Variants in PCDHGA7 observed in about 807,000 individuals in gnomAD.
PCDHGA7 encodes protocadherin gamma-A7.
Under a neutral mutation model 58.3 loss-of-function variants are expected in PCDHGA7, and 44 were observed. The ratio of observed to expected loss-of-function variants is 0.75; its 90% confidence interval spans 0.59 to 0.97. PCDHGA7 has a LOEUF of 0.97. Among genes scored for constraint, PCDHGA7 ranks in the 50% least tolerant of loss-of-function variants. The pLI is 0.00. For synonymous variants in PCDHGA7, 516 were observed against 504.2 expected (o/e 1.02, Z -0.31); for missense variants, 1,266 against 1,188.7 (o/e 1.06, Z -0.96).
intron 1 of PCDHGA7, among the ~76,000 whole-genome samples, chr5:141,444,735 C>A (rs924159168): frequency 1.3e-5 from 2 of 152,116 alleles, no homozygotes; most frequent in Admixed American, 1.3e-4. Context: ...TGTTGAAAGT[C>A]ATTTCACTGA....
In PCDHGA7 at chr5:141,431,543, C is replaced by T. The variant is rs1334234544; in HGVS notation, c.2424+46220C>T. The T allele has an allele frequency of 1.9e-6, 3 of 1,614,128 alleles. No individual in the cohort carries two copies. The highest frequency in any genetic ancestry group is 2.5e-6 in the Non-Finnish European group (3 of 1,180,036). ...GAATCTGGCCTTGGGCACGCAGCTGCTTGTAGTCAACGCTACCGACCCTGA... is the reference window on the plus strand; with the variant it reads ...GAATCTGGCCTTGGGCACGCAGCTGTTTGTAGTCAACGCTACCGACCCTGA... On this transcript the variant is annotated intron_variant, in intron 1 of 3. Transcript: ENST00000518325. This position sits in a 1 kb window ranked among gnomAD's most constrained non-coding sequence, Gnocchi z 4.8.
rs751345684 is a variant in PCDHGA7 at position 141,398,995 on chromosome 5, C to G, written c.2424+13672C>G. ...CTACAGAACCGGGCAAATCTTTAGT[C>G]TGAATTCAAAGAGCGGAGAAATTAC... On this transcript the variant is annotated intron_variant, in intron 1 of 3. Transcript: ENST00000518325. 2.5e-5 allele frequency: 41 copies of G among 1,613,782 alleles called. No homozygotes were observed. The East Asian group carries it at 8.7e-4, about 34-fold the overall frequency.
chr5:141,432,949 C>A lies in PCDHGA7; in HGVS notation c.2424+47626C>A, dbSNP rs764998032. ...CACGCCTGCTGCAGGCTTCAGGAGG[C>A]GGCTTGACAGGAGCGCCGGCGTCGC... On this transcript the variant is annotated intron_variant, in intron 1 of 3. Transcript: ENST00000518325. This position sits in a 1 kb window ranked among gnomAD's most constrained non-coding sequence, Gnocchi z 6.0. The A allele has an allele frequency of 1.9e-6, 3 of 1,614,184 alleles. No homozygotes were observed. The highest frequency in any genetic ancestry group is 2.5e-6 in the Non-Finnish European group (3 of 1,180,040).
At chr5:141,453,919 C>T (rs142719452) in intron 1 of PCDHGA7, among the ~76,000 whole-genome samples, 2 of 152,318 alleles carry the variant, frequency 1.3e-5, no homozygotes, top group African/African-American at 4.8e-5. Flanking sequence ...TGTCAGTGAT[C>T]AGTCACTGTG....
In PCDHGA7 at chr5:141,511,188, C is replaced by A; in HGVS notation, c.*15C>A. 1 of 1,613,804 alleles carries A rather than the reference C, an allele frequency of 6.2e-7. No homozygotes were observed. ...AGAAGAAGTAACATGGAGGCCAGGC[C>A]AAGAGCCACAGGGCGGCCTCTCCCC... On this transcript the variant is annotated 3_prime_UTR_variant, in exon 4 of 4. Transcript: ENST00000518325.
chr5:141,511,048 C>G lies in PCDHGA7; in HGVS notation c.2674C>G (p.Arg892Gly). The G allele has an allele frequency of 6.2e-7, 1 of 1,614,224 alleles. No homozygotes were observed. Among genetic ancestry groups the G allele is most frequent in the Non-Finnish European group, 8.5e-7 (1 of 1,180,028 alleles). ...QFTLQHVPDYRQNVYIPGSNA... is the reference protein window; with the variant it reads ...QFTLQHVPDYGQNVYIPGSNA... ...CACCCTGCAGCACGTGCCCGACTAC[C>G]GCCAGAATGTCTACATCCCAGGCAG... Residue 892 changes from arginine (R) to glycine (G), a missense_variant, in exon 4 of 4, where the codon CGC becomes GGC. Arg to Gly is a moderately radical substitution (Grantham distance 125, BLOSUM62 -2). Transcript: ENST00000518325.
intron 1 of PCDHGA7, chr5:141,478,565 T>C (rs772519746): frequency 1.6e-5 from 25 of 1,593,862 alleles, no homozygotes; most frequent in Non-Finnish European, 2.0e-5. Flanking sequence ...TAGCAAGTCA[T>C]GCTTGACCCT....
At chr5:141,482,530 CAAAAAAA>C (rs3074545) in intron 1 of PCDHGA7, among the ~76,000 whole-genome samples, 2 of 76,560 alleles carry the variant, frequency 2.6e-5, no homozygotes, top group South Asian at 4.6e-4. Flanking sequence ...GACAGACATG[CAAAAAAA>C]AAAAAAAAAA....
chr5:141,420,089 A>G lies in PCDHGA7; in HGVS notation c.2424+34766A>G. On this transcript the variant is annotated intron_variant, in intron 1 of 3. Transcript: ENST00000518325. The stretch of plus-strand genomic sequence containing the variant: ...CGGACCTGTGGGTCCCCCCAACTAC[A>G]GTGAGGGAACGTTGCCCTATGCCTA... 2.5e-6 allele frequency: 4 copies of G among 1,613,986 alleles called. No individual in the cohort carries two copies. Among genetic ancestry groups the G allele is most frequent in the Middle Eastern group, 1.6e-4 (1 of 6,062 alleles).
Position 141,431,818 on chromosome 5 carries a change from C to T in PCDHGA7, c.2424+46495C>T, listed in dbSNP as rs201311339. On this transcript the variant is annotated intron_variant, in intron 1 of 3. Coordinates refer to ENST00000518325, the MANE Select transcript of PCDHGA7 (RefSeq NM_018920.4). This position sits in a 1 kb window ranked among gnomAD's most constrained non-coding sequence, Gnocchi z 4.8. ...CAGAAGTGGTCCTCACCTCTCTCGCCAGCTCGGTTCCCGAAAACTCTCCCA... is the reference window on the plus strand; with the variant it reads ...CAGAAGTGGTCCTCACCTCTCTCGCTAGCTCGGTTCCCGAAAACTCTCCCA... 130 of 1,614,122 alleles carry T rather than the reference C, an allele frequency of 8.1e-5. No homozygotes were observed. Among genetic ancestry groups the T allele is most frequent in the Non-Finnish European group, 1.0e-4 (121 of 1,180,040 alleles).
Position 141,489,072 on chromosome 5 carries a change from AC to A in PCDHGA7, c.2425-5730del. The A allele has an allele frequency of 6.3e-6, 1 of 157,708 alleles. No individual in the cohort carries two copies. The highest frequency in any genetic ancestry group is 1.2e-5 in the Non-Finnish European group (1 of 83,994). The allele number at this position is 157,708 out of a possible 1,614,324, so 9.8% of individuals were successfully genotyped here. On this transcript the variant is annotated intron_variant, in intron 1 of 3. Coordinates refer to ENST00000518325, the MANE Select transcript of PCDHGA7 (RefSeq NM_018920.4). This position sits in a 1 kb window ranked among gnomAD's most constrained non-coding sequence, Gnocchi z 4.5. ...AATTCAGCTCCCCTCCCCCCTGCCC[AC>A]CCCCGCCACTCGGTGACTAAGAACT...
intron 1 of PCDHGA7, among the ~76,000 whole-genome samples, chr5:141,436,594 G>T (rs79477223): frequency 0.052 from 7,980 of 152,210 alleles, 223 homozygotes; most frequent in South Asian, 0.079. Flanking sequence ...AAAGGTCGTG[G>T]TGATGGCTAG....
chr5:141,398,241 C>G, intron 1 of PCDHGA7: 1 of 1,474,150 alleles, frequency 6.8e-7, no homozygotes, highest in South Asian at 1.2e-5. Context: ...ACAGGATTCC[C>G]GAGGAAATGC....
chr5:141,453,524 C>T (rs1351750021), intron 1 of PCDHGA7, among the ~76,000 whole-genome samples: 1 of 152,060 alleles, frequency 6.6e-6, no homozygotes, highest in Non-Finnish European at 1.5e-5. Flanking sequence ...TCCCCTATAC[C>T]TTCTGCCTCA....
intron 2 of PCDHGA7, among the ~76,000 whole-genome samples, chr5:141,498,112 AG>A (rs947089103): frequency 2.0e-5 from 3 of 152,232 alleles, no homozygotes; most frequent in African/African-American, 7.2e-5. Flanking sequence ...GGCGTATAAT[AG>A]GGATTTGATT....
chr5:141,394,836 T>C (rs116789057), intron 1 of PCDHGA7: 14 of 1,613,630 alleles, frequency 8.7e-6, no homozygotes, highest in South Asian at 1.1e-5. Flanking sequence ...CCTGACCGAG[T>C]TGGGCAGTCT....
At position 141,484,105 on chromosome 5, in the gene PCDHGA7, A is replaced by G. The variant is rs548687877; in HGVS notation, c.2425-10702A>G. On this transcript the variant is annotated intron_variant, in intron 1 of 3. Coordinates refer to ENST00000518325, the MANE Select transcript of PCDHGA7 (RefSeq NM_018920.4). Reference sequence around the variant, plus strand: ...GAAATGGTCTTCGTTGGTAATTAACAAAAGATCAAGAATACCTTGGTGTCA... The same window carrying G: ...GAAATGGTCTTCGTTGGTAATTAACGAAAGATCAAGAATACCTTGGTGTCA... Among the ~76,000 whole-genome samples, 3 of 152,316 alleles carry G rather than the reference A, an allele frequency of 2.0e-5. No individual in the cohort carries two copies. In the South Asian group the frequency reaches 6.2e-4, roughly 32 times the overall value.
chr5:141,485,060 G>C lies in PCDHGA7; in HGVS notation c.2425-9747G>C. ...ACCCTTGCGGCGCCGGCCGAACCGCGCCAGAGCTGGCGCGGGGAAAGGGAG... is the reference window on the plus strand; with the variant it reads ...ACCCTTGCGGCGCCGGCCGAACCGCCCCAGAGCTGGCGCGGGGAAAGGGAG... On this transcript the variant is annotated intron_variant, in intron 1 of 3. Transcript: ENST00000518325. This position sits in a 1 kb window ranked among gnomAD's most constrained non-coding sequence, Gnocchi z 5.7. 1 of 862,304 alleles carries C rather than the reference G, an allele frequency of 1.2e-6. No individual in the cohort carries two copies. The highest frequency in any genetic ancestry group is 1.9e-6 in the Non-Finnish European group (1 of 540,422). 53.4% of individuals were successfully genotyped at this position (862,304 alleles called of 1,614,324 possible).
intron 1 of PCDHGA7, among the ~76,000 whole-genome samples, chr5:141,420,762 T>A (rs1221355822): frequency 6.6e-6 from 1 of 152,222 alleles, no homozygotes; most frequent in Non-Finnish European, 1.5e-5. Context: ...AACCTACAAG[T>A]TTTCAGCTCC....
Sources: allele counts gnomAD v4.1 joint callset (sites outside exome capture counted in the v4.1 genomes callset), GRCh38; gene constraint gnomAD v4.1.1; non-coding constraint Gnocchi (gnomAD v3.1); transcripts MANE v1.5; gene names NCBI Gene and HGNC (gene_info 2026-07-23, HGNC 2026-07-21).